SNX29: variants seen among roughly 807,000 people sequenced by gnomAD.
The protein encoded by SNX29 is sorting nexin-29.
In SNX29, 78 loss-of-function variants were observed where a neutral mutation model predicts 102.1. The ratio of observed to expected loss-of-function variants is 0.76; its 90% confidence interval spans 0.64 to 0.92. The LOEUF (loss-of-function observed/expected upper bound fraction) is 0.92, where lower values mean the gene tolerates loss of function less well. Ranked by LOEUF, SNX29 falls within the 40% of genes least tolerant of loss-of-function variation. SNX29 has a pLI of 0.00. For missense variants in SNX29, 1,280 were observed against 1,061.7 expected, an observed-to-expected ratio of 1.21 and a Z score of -2.86; for synonymous variants, 580 against 414.5, an observed-to-expected ratio of 1.40 and a Z score of -4.85.
At chr16:12,550,548 C>G (rs1197675838) in intron 20 of SNX29, among the ~76,000 whole-genome samples, 3 of 140,628 alleles carry the variant, frequency 2.1e-5, no homozygotes, top group East Asian at 2.1e-4. Flanking sequence ...AAAAAAAAAA[C>G]CAAACACCAA....
intron 20 of SNX29, among the ~76,000 whole-genome samples, chr16:12,548,769 C>G (rs767036980): frequency 6.6e-6 from 1 of 152,146 alleles, no homozygotes; most frequent in African/African-American, 2.4e-5. Flanking sequence ...ATCTCTCATC[C>G]CCCAGCCACC....
intron 16 of SNX29, among the ~76,000 whole-genome samples, chr16:12,376,446 G>T (rs961605304): frequency 6.6e-6 from 1 of 152,114 alleles, no homozygotes; most frequent in African/African-American, 2.4e-5. Context: ...TTGAAAATCT[G>T]TGGCAGGGGC....
At position 12,319,677 on chromosome 16, in the gene SNX29, G is replaced by A. The variant is rs368901908; in HGVS notation, c.1783-36486G>A. ...GTTTCACAGACCAGGAAACTGACCC[G>A]CCAGGAGGAGAGAAGATTGTCTCGG... On this transcript the variant is annotated intron_variant, in intron 15 of 20. Coordinates refer to ENST00000566228, the MANE Select transcript of SNX29 (RefSeq NM_032167.5). 2.1e-3 allele frequency among the ~76,000 whole-genome samples: 327 copies of A among 152,232 alleles called. 1 individual carries two copies. Among genetic ancestry groups the A allele is most frequent in the African/African-American group, 7.7e-3 (322 of 41,556 alleles).
chr16:12,231,271 A>T (rs1704137), intron 14 of SNX29, among the ~76,000 whole-genome samples: 1 of 152,048 alleles, frequency 6.6e-6, no homozygotes, highest in Non-Finnish European at 1.5e-5. Flanking sequence ...CCACCATACC[A>T]TCCAGCTCAC....
intron 15 of SNX29, among the ~76,000 whole-genome samples, chr16:12,315,786 A>G (rs544661866): frequency 6.6e-6 from 1 of 152,296 alleles, no homozygotes; most frequent in African/African-American, 2.4e-5. Context: ...AATAAAACTT[A>G]TTTACAAAAA....
chr16:12,033,908 C>T (rs2057408173), intron 4 of SNX29, among the ~76,000 whole-genome samples: 1 of 152,152 alleles, frequency 6.6e-6, no homozygotes, highest in Non-Finnish European at 1.5e-5. Flanking sequence ...GCTCTAGTGT[C>T]TTGCAAGATA....
intron 11 of SNX29, among the ~76,000 whole-genome samples, chr16:12,099,073 A>G (rs1442428116): frequency 6.6e-6 from 1 of 152,206 alleles, no homozygotes; most frequent in Non-Finnish European, 1.5e-5. Context: ...AGCACAGAGC[A>G]CTTCATGAGG....
intron 14 of SNX29, among the ~76,000 whole-genome samples, chr16:12,252,763 T>C (rs775587698): frequency 2.8e-4 from 43 of 152,186 alleles, no homozygotes; most frequent in Non-Finnish European, 6.0e-4. Flanking sequence ...GCAGCCGCCA[T>C]TGGAGGGGCT....
chr16:12,063,645 C>T (rs189918315), intron 9 of SNX29, among the ~76,000 whole-genome samples: 2 of 152,152 alleles, frequency 1.3e-5, no homozygotes, highest in East Asian at 3.9e-4. Flanking sequence ...CCCACAGTTG[C>T]TGGGATTATA....
At chr16:12,272,103 T>C (rs541249489) in intron 14 of SNX29, among the ~76,000 whole-genome samples, 22 of 152,212 alleles carry the variant, frequency 1.4e-4, no homozygotes, top group Admixed American at 2.6e-4. Context: ...AGAGAACTTA[T>C]GTAAATTCAT....
intron 16 of SNX29, among the ~76,000 whole-genome samples, chr16:12,388,858 T>C (rs116780083): frequency 1.1e-3 from 164 of 152,326 alleles, no homozygotes; most frequent in African/African-American, 3.8e-3. Context: ...AGGGATATTC[T>C]ATTTGCAAGA....
intron 4 of SNX29, among the ~76,000 whole-genome samples, chr16:12,031,763 C>T (rs2057352210): frequency 6.6e-6 from 1 of 152,030 alleles, no homozygotes; most frequent in South Asian, 2.1e-4. Flanking sequence ...CGAGATCGCG[C>T]CACTGCACTC....
At chr16:12,388,474 A>G (rs1004465390) in intron 16 of SNX29, among the ~76,000 whole-genome samples, 10 of 152,204 alleles carry the variant, frequency 6.6e-5, no homozygotes, top group Non-Finnish European at 1.3e-4. Flanking sequence ...TACCTAGACA[A>G]ATGAGATTTC....
At chr16:12,135,261 C>T (rs2054617915) in intron 13 of SNX29, among the ~76,000 whole-genome samples, 2 of 152,192 alleles carry the variant, frequency 1.3e-5, no homozygotes, top group Admixed American at 1.3e-4. Flanking sequence ...ATCTGGGCAT[C>T]CGGTGGCCCA....
chr16:12,277,732 T>A lies in SNX29; in HGVS notation c.1679-201T>A, dbSNP rs551676601. Among the ~76,000 whole-genome samples the A allele has an allele frequency of 1.3e-3, 200 of 152,132 alleles. 1 individual carries two copies. The highest frequency in any genetic ancestry group is 1.3e-3 in the Non-Finnish European group (91 of 68,026). On this transcript the variant is annotated intron_variant, in intron 14 of 20. Coordinates refer to ENST00000566228, the MANE Select transcript of SNX29 (RefSeq NM_032167.5). ...TGACACTACAGGCGCACACCACCAT[T>A]CCTGGCCTTGTCACTCGTTTTATTG...
rs184636638 is a variant in SNX29 at position 12,573,250 on chromosome 16, G to T, written c.*4621G>T. On this transcript the variant is annotated 3_prime_UTR_variant, in exon 21 of 21. Transcript: ENST00000566228. ...TCCCATGGTTGTTGAAATGTACCTC[G>T]ATCAGTCATCTCTGGTATTCCTCAC... 3.5e-5 allele frequency: 8 copies of T among 227,006 alleles called. No homozygotes were observed. The highest frequency in any genetic ancestry group is 3.4e-4 in the Admixed American group (6 of 17,552). The allele number at this position is 227,006 out of a possible 1,614,324, so 14.1% of individuals were successfully genotyped here.
At chr16:12,366,695 ACT>A (rs1402871369) in intron 16 of SNX29, among the ~76,000 whole-genome samples, 2 of 141,488 alleles carry the variant, frequency 1.4e-5, no homozygotes, top group Non-Finnish European at 3.1e-5. Flanking sequence ...ATTTTCTCCC[ACT>A]CTCTCCATTT....
chr16:12,447,681 C>G (rs1359501973), intron 18 of SNX29, among the ~76,000 whole-genome samples: 1 of 152,206 alleles, frequency 6.6e-6, no homozygotes, highest in Non-Finnish European at 1.5e-5. Context: ...AATTCCCTGG[C>G]TGGAATTGAG....
At chr16:12,194,396 C>G (rs1326309860) in intron 13 of SNX29, among the ~76,000 whole-genome samples, 2 of 152,056 alleles carry the variant, frequency 1.3e-5, no homozygotes, top group African/African-American at 2.4e-5. Context: ...CTTGGGATTT[C>G]CTTTGTAGAT....
Sources: allele counts gnomAD v4.1 joint callset (sites outside exome capture counted in the v4.1 genomes callset), GRCh38; gene constraint gnomAD v4.1.1; transcripts MANE v1.5; gene names NCBI Gene and HGNC (gene_info 2026-07-23, HGNC 2026-07-21).